The following RAD51B variants were observed in gnomAD, a reference collection of about 807,000 sequenced individuals.
The protein encoded by RAD51B is DNA repair protein RAD51 homolog 2.
In RAD51B, 38 loss-of-function variants were observed where a neutral mutation model predicts 42.2. The ratio of observed to expected loss-of-function variants is 0.90; its 90% CI spans 0.70 to 1.18. The LOEUF (loss-of-function observed/expected upper bound fraction) is 1.18, where lower values mean the gene tolerates loss of function less well. Ranked by LOEUF, RAD51B falls within the 50% of genes most tolerant of loss-of-function variation. The probability of loss-of-function intolerance (pLI) is 0.00; values close to 1 mark genes in which losing one functional copy is unlikely to be tolerated. For missense variants in RAD51B, 373 were observed against 400.7 expected, an observed-to-expected ratio of 0.93 and a Z score of 0.59; for synonymous variants, 154 against 145.2, an observed-to-expected ratio of 1.06 and a Z score of -0.43.
At chr14:68,307,957 C>T (rs2081900380) in intron 8 of RAD51B, among the ~76,000 whole-genome samples, 1 of 152,154 alleles carries the variant, frequency 6.6e-6, no homozygotes, top group African/African-American at 2.4e-5. Flanking sequence ...AACATCTGGA[C>T]TGGATTTTTG....
At chr14:68,521,992 A>G (rs1397388537) in intron 10 of RAD51B, among the ~76,000 whole-genome samples, 1 of 151,996 alleles carries the variant, frequency 6.6e-6, no homozygotes, top group Non-Finnish European at 1.5e-5. Context: ...TGGGTCGGTT[A>G]CTCTTCTCTG....
At chr14:67,880,342 A>G (rs917188390) in intron 5 of RAD51B, among the ~76,000 whole-genome samples, 15 of 152,318 alleles carry the variant, frequency 9.8e-5, no homozygotes, top group African/African-American at 3.4e-4. Flanking sequence ...TAACTTATCT[A>G]TCAATCATTC....
intron 8 of RAD51B, among the ~76,000 whole-genome samples, chr14:68,315,802 G>A (rs748392113): frequency 7.2e-5 from 11 of 152,164 alleles, no homozygotes; most frequent in Non-Finnish European, 1.0e-4. Flanking sequence ...GATTACAGGC[G>A]TGAACCACTG....
At chr14:68,328,529 A>G (rs750350565) in intron 8 of RAD51B, among the ~76,000 whole-genome samples, 4 of 152,180 alleles carry the variant, frequency 2.6e-5, no homozygotes, top group Non-Finnish European at 5.9e-5. Context: ...TGAGGGAGCT[A>G]TGAATAGAAG....
chr14:68,653,910 G>A (rs1336083734), intron 11 of RAD51B, among the ~76,000 whole-genome samples: 2 of 152,252 alleles, frequency 1.3e-5, no homozygotes, highest in Non-Finnish European at 2.9e-5. Flanking sequence ...GCCTGACATG[G>A]CAGCTACTGG....
At chr14:68,293,570 C>A (rs1158563175) in intron 8 of RAD51B, among the ~76,000 whole-genome samples, 1 of 152,152 alleles carries the variant, frequency 6.6e-6, no homozygotes, top group Non-Finnish European at 1.5e-5. Flanking sequence ...GCCTGCCCCT[C>A]CCCACTCCCA....
chr14:68,325,706 G>A (rs2082235284), intron 8 of RAD51B, among the ~76,000 whole-genome samples: 1 of 151,626 alleles, frequency 6.6e-6, no homozygotes, highest in African/African-American at 2.4e-5. Flanking sequence ...AACCTTTCCA[G>A]GACCCAAAAT....
rs554658778 is a variant in RAD51B at position 67,968,200 on chromosome 14, GC to G, written c.756+80999del. 2.4e-4 allele frequency among the ~76,000 whole-genome samples: 36 copies of G among 152,312 alleles called. 2 individuals are homozygous for G. The South Asian group carries it at 7.3e-3, about 31-fold the overall frequency. ...GGCTGCACTTAGCATGGGGCCCTGGGCCCAGCCCATGAAACCATTTTTTCCT... is the reference window on the plus strand; with the variant it reads ...GGCTGCACTTAGCATGGGGCCCTGGGCCAGCCCATGAAACCATTTTTTCCT... On this transcript the variant is annotated intron_variant, in intron 7 of 10. Transcript: ENST00000471583.
chr14:67,822,722 GCTCTCT>G (rs879496702), intron 1 of RAD51B, among the ~76,000 whole-genome samples: 7 of 150,576 alleles, frequency 4.6e-5, no homozygotes, highest in Admixed American at 2.0e-4. Context: ...GACCTGTCTC[GCTCTCT>G]CTCTCTCTCT....
At chr14:68,159,644 A>G (rs1302700760) in intron 7 of RAD51B, among the ~76,000 whole-genome samples, 1 of 151,852 alleles carries the variant, frequency 6.6e-6, no homozygotes, top group Non-Finnish European at 1.5e-5. Context: ...AAGACAAAGT[A>G]TATGCTTGGA....
At chr14:68,024,045 A>C (rs1246100451) in intron 7 of RAD51B, among the ~76,000 whole-genome samples, 2 of 152,134 alleles carry the variant, frequency 1.3e-5, no homozygotes, top group Non-Finnish European at 2.9e-5. Context: ...TTAGGAGTTC[A>C]ATTTCATTTT....
At chr14:68,421,761 A>G (rs1251827178) in intron 9 of RAD51B, 2 of 1,598,316 alleles carry the variant, frequency 1.3e-6, no homozygotes, top group East Asian at 2.2e-5. Context: ...TCCTGGACCC[A>G]AAGCACTCCA....
chr14:68,329,151 G>C (rs1359489079), intron 8 of RAD51B, among the ~76,000 whole-genome samples: 1 of 152,072 alleles, frequency 6.6e-6, no homozygotes, highest in East Asian at 1.9e-4. Flanking sequence ...TAAGACAAGA[G>C]GTGTATGCCA....
chr14:67,923,973 A>G (rs1352413061), intron 7 of RAD51B, among the ~76,000 whole-genome samples: 5 of 152,132 alleles, frequency 3.3e-5, no homozygotes, highest in Non-Finnish European at 7.4e-5. Flanking sequence ...TTCCCTGATT[A>G]TTAGTGATGT....
chr14:68,486,468 A>G (rs1361843064), intron 10 of RAD51B, among the ~76,000 whole-genome samples: 1 of 152,168 alleles, frequency 6.6e-6, no homozygotes, highest in Non-Finnish European at 1.5e-5. Context: ...CCAATCTAAC[A>G]GCTTGAAAGT....
intron 1 of RAD51B, among the ~76,000 whole-genome samples, chr14:67,820,412 C>A (rs2040585885): frequency 6.6e-6 from 1 of 151,994 alleles, no homozygotes; most frequent in Non-Finnish European, 1.5e-5. Flanking sequence ...AATATTGTTC[C>A]TAAACAGTTG....
intron 8 of RAD51B, among the ~76,000 whole-genome samples, chr14:68,319,052 G>A (rs1317499506): frequency 6.6e-6 from 1 of 152,102 alleles, no homozygotes; most frequent in Admixed American, 6.6e-5. Context: ...AAACCTCTCT[G>A]TAGGGAAATG....
At chr14:68,652,251 C>A (rs1206827616) in intron 11 of RAD51B, among the ~76,000 whole-genome samples, 1 of 152,242 alleles carries the variant, frequency 6.6e-6, no homozygotes, top group Non-Finnish European at 1.5e-5. Context: ...CGAGGCCACG[C>A]AGCCCCGATA....
chr14:68,681,399 G>A (rs1013713314), intron 11 of RAD51B, among the ~76,000 whole-genome samples: 1 of 152,132 alleles, frequency 6.6e-6, no homozygotes, highest in Non-Finnish European at 1.5e-5. Context: ...GAATAGGAAG[G>A]TGAAGGAGGA....
Sources: allele counts gnomAD v4.1 joint callset (sites outside exome capture counted in the v4.1 genomes callset), GRCh38; gene constraint gnomAD v4.1.1; transcripts MANE v1.5; gene names NCBI Gene and HGNC (gene_info 2026-07-23, HGNC 2026-07-21).